Variants in SUCLG2 observed in about 807,000 individuals in gnomAD.
The protein encoded by SUCLG2 is succinate--CoA ligase [GDP-forming] subunit beta, mitochondrial.
In SUCLG2, 42 loss-of-function variants were observed where a neutral mutation model predicts 47.9. The observed-to-expected ratio is 0.88, with a 90% CI of 0.69 to 1.14. SUCLG2 has a LOEUF of 1.14. Among genes scored for constraint, SUCLG2 ranks in the 50% most tolerant of loss-of-function variants. The pLI, the probability that SUCLG2 is intolerant of heterozygous loss-of-function variation, is 0.00. For synonymous variants in SUCLG2, 195 were observed against 197.3 expected (o/e 0.99, Z 0.10); for missense variants, 571 against 525.9 (o/e 1.09, Z -0.84).
At chr3:67,372,009 G>A (rs920910571), downstream of SUCLG2, among the ~76,000 whole-genome samples, 1 of 152,188 alleles carries the variant, frequency 6.6e-6, no homozygotes, top group African/African-American at 2.4e-5. Context: ...CCTCTCTGAA[G>A]TGAAAGTAAC....
At chr3:67,454,264 T>TA (rs1704127355) in intron 9 of SUCLG2, among the ~76,000 whole-genome samples, 1 of 152,298 alleles carries the variant, frequency 6.6e-6, no homozygotes, top group Admixed American at 6.5e-5. Context: ...CAGTAGCTGG[T>TA]ATATAGAGTA....
chr3:67,487,940 T>A (rs1174810189), intron 9 of SUCLG2, among the ~76,000 whole-genome samples: 1 of 152,072 alleles, frequency 6.6e-6, no homozygotes, highest in Non-Finnish European at 1.5e-5. Context: ...AACAGAGCAC[T>A]AGGTTAAGTA....
chr3:67,424,995 C>A (rs1703261411), intron 9 of SUCLG2, among the ~76,000 whole-genome samples: 2 of 152,104 alleles, frequency 1.3e-5, no homozygotes, highest in South Asian at 4.1e-4. Flanking sequence ...GCTCATTGAG[C>A]CTACTCAACA....
chr3:67,577,590 T>C (rs2107250206), intron 2 of SUCLG2, among the ~76,000 whole-genome samples: 1 of 152,292 alleles, frequency 6.6e-6, no homozygotes, highest in East Asian at 1.9e-4. Flanking sequence ...TAAAATCTGG[T>C]GGCATTTCAA....
intron 9 of SUCLG2, among the ~76,000 whole-genome samples, chr3:67,409,315 C>T (rs1355004723): frequency 3.9e-5 from 6 of 152,252 alleles, no homozygotes; most frequent in Non-Finnish European, 7.4e-5. Flanking sequence ...GTCTGAAACA[C>T]TGAAATGTAT....
chr3:67,455,616 G>GT (rs1704163219), intron 9 of SUCLG2, among the ~76,000 whole-genome samples: 1 of 151,992 alleles, frequency 6.6e-6, no homozygotes, highest in East Asian at 1.9e-4. Flanking sequence ...TTTCAATTTT[G>GT]TAATTCTCAA....
chr3:67,615,462 T>C (rs911916804), intron 1 of SUCLG2, among the ~76,000 whole-genome samples: 8 of 152,078 alleles, frequency 5.3e-5, no homozygotes, highest in African/African-American at 9.7e-5. Context: ...TCAGCTCGAC[T>C]TTGCACACTA....
intron 9 of SUCLG2, among the ~76,000 whole-genome samples, chr3:67,457,456 G>T (rs1292216414): frequency 6.6e-6 from 1 of 152,072 alleles, no homozygotes; most frequent in African/African-American, 2.4e-5. Flanking sequence ...CAGAATCTCT[G>T]TCCCTAACTC....
chr3:67,530,483 G>GT (rs1413300494), intron 2 of SUCLG2, among the ~76,000 whole-genome samples: 1 of 152,160 alleles, frequency 6.6e-6, no homozygotes, highest in Non-Finnish European at 1.5e-5. Context: ...AGCTATTACT[G>GT]TCACTGTCAT....
At chr3:67,402,861 T>C (rs573442160) in intron 9 of SUCLG2, among the ~76,000 whole-genome samples, 3 of 152,242 alleles carry the variant, frequency 2.0e-5, no homozygotes, top group Non-Finnish European at 4.4e-5. Context: ...CATCTAAAGC[T>C]TTACGATCAT....
At chr3:67,444,404 C>T (rs1156398383) in intron 9 of SUCLG2, among the ~76,000 whole-genome samples, 68 of 26,122 alleles carry the variant, frequency 2.6e-3, no homozygotes, top group Admixed American at 3.9e-3. Flanking sequence ...GCCCTCCGCC[C>T]GGCCAGCCGC....
At chr3:67,371,327 T>C (rs115444281), downstream of SUCLG2, among the ~76,000 whole-genome samples, 1,818 of 152,302 alleles carry the variant, frequency 0.012, 45 homozygotes, top group African/African-American at 0.042. Flanking sequence ...CTGGCTTACT[T>C]AGAATATGAA....
At chr3:67,390,821 G>A (rs1702363773) in intron 10 of SUCLG2, among the ~76,000 whole-genome samples, 1 of 152,146 alleles carries the variant, frequency 6.6e-6, no homozygotes, top group African/African-American at 2.4e-5. Flanking sequence ...AATGTTTTGA[G>A]TGGTTTTACA....
At chr3:67,526,786 A>G (rs866404805) in intron 4 of SUCLG2, among the ~76,000 whole-genome samples, 43 of 152,352 alleles carry the variant, frequency 2.8e-4, no homozygotes, top group African/African-American at 1.0e-3. Flanking sequence ...AACATTCATC[A>G]GTTTCTTAAA....
chr3:67,491,566 T>A (rs143832938), intron 9 of SUCLG2, among the ~76,000 whole-genome samples: 1 of 151,988 alleles, frequency 6.6e-6, no homozygotes, highest in Non-Finnish European at 1.5e-5. Context: ...GGTTTTACCA[T>A]TTTGGCCAGG....
At position 67,511,904 on chromosome 3, in the gene SUCLG2, G is replaced by A. The variant is rs141596220; in HGVS notation, c.661-3001C>T. On this transcript the variant is annotated intron_variant, in intron 6 of 10. Transcript: ENST00000307227. ...GTTGCTTTGTCACCTAGACTGGAGC[G>A]TACTGGCATAATCATGGCTCACTGC... Among the ~76,000 whole-genome samples the A allele has an allele frequency of 1.5e-3, 224 of 150,832 alleles. 2 individuals are homozygous for A. Among genetic ancestry groups the A allele is most frequent in the Non-Finnish European group, 1.1e-3 (77 of 67,956 alleles).
intron 10 of SUCLG2, among the ~76,000 whole-genome samples, chr3:67,382,304 C>T (rs569906946): frequency 6.6e-6 from 1 of 152,286 alleles, no homozygotes; most frequent in African/African-American, 2.4e-5. Flanking sequence ...CCCGACATCC[C>T]CAGCAAGTCA....
At chr3:67,427,867 TACC>T (rs1703347735) in intron 9 of SUCLG2, among the ~76,000 whole-genome samples, 1 of 152,204 alleles carries the variant, frequency 6.6e-6, no homozygotes, top group Admixed American at 6.5e-5. Flanking sequence ...CACTCACTGC[TACC>T]ACAGCAGTCT....
chr3:67,389,374 G>A (rs1702330337), intron 10 of SUCLG2, among the ~76,000 whole-genome samples: 1 of 152,134 alleles, frequency 6.6e-6, no homozygotes, highest in African/African-American at 2.4e-5. Flanking sequence ...GCCATCCAAG[G>A]AGAGATGTGA....
Sources: gnomAD v4.1 joint callset for allele counts (sites outside exome capture counted in the v4.1 genomes callset) on GRCh38, gnomAD v4.1.1 for gene constraint, MANE v1.5 for transcripts, NCBI Gene and HGNC (gene_info 2026-07-23, HGNC 2026-07-21) for gene names.